The following CHD5 variants were observed in gnomAD, a reference collection of about 807,000 sequenced individuals.
The protein encoded by CHD5 is chromodomain helicase DNA binding protein 5, also known as ATP-dependent chromatin remodeler CHD5.
A neutral mutation model predicts 230.3 loss-of-function variants in CHD5; 69 were observed. The ratio of observed to expected loss-of-function variants is 0.30; its 90% CI spans 0.25 to 0.37. CHD5 has a LOEUF of 0.37. Among genes scored for constraint, CHD5 ranks in the 10% least tolerant of loss-of-function variants. CHD5 has a pLI of 1.00. For missense variants in CHD5, 1,827 were observed against 2,622.8 expected, an observed-to-expected ratio of 0.70 and a Z score of 6.63; for synonymous variants, 1,064 against 1,065.9, an observed-to-expected ratio of 1.00 and a Z score of 0.03.
At chr1:6,160,823 A>G (rs1167497671) in intron 2 of CHD5, among the ~76,000 whole-genome samples, 1 of 152,200 alleles carries the variant, frequency 6.6e-6, no homozygotes, top group Admixed American at 6.5e-5. Context: ...TATGGAGATA[A>G]GGGCGTTTAC....
chr1:6,125,057 G>C lies in CHD5; in HGVS notation c.4394+43C>G, dbSNP rs1014622389. 2 of 1,506,698 alleles carry C rather than the reference G, an allele frequency of 1.3e-6. No individual in the cohort carries two copies. Among genetic ancestry groups the C allele is most frequent in the Non-Finnish European group, 1.8e-6 (2 of 1,120,690 alleles). The allele number at this position is 1,506,698 out of a possible 1,614,324, so 93.3% of individuals were successfully genotyped here. ...CACCCGCAGGACCCTGCCCTACTCA[G>C]GGGCAGGTGGTCACACCCTGGGCCA... On this transcript the variant is annotated intron_variant, in intron 29 of 41. Transcript: ENST00000262450. This position sits in a 1 kb window ranked among gnomAD's most constrained non-coding sequence, Gnocchi z 6.7.
At chr1:6,115,703 G>A (rs1005176939) in intron 33 of CHD5, among the ~76,000 whole-genome samples, 2 of 152,170 alleles carry the variant, frequency 1.3e-5, no homozygotes, top group African/African-American at 4.8e-5. Flanking sequence ...GAGTGAGCAT[G>A]GATGTGGACT....
intron 3 of CHD5, among the ~76,000 whole-genome samples, chr1:6,157,709 C>T (rs1478315917): frequency 6.6e-6 from 1 of 152,236 alleles, no homozygotes; most frequent in Non-Finnish European, 1.5e-5. Context: ...CCCCCGTGGA[C>T]ACACATGGCC....
intron 5 of CHD5, among the ~76,000 whole-genome samples, chr1:6,153,704 T>C (rs951933884): frequency 6.6e-6 from 1 of 152,054 alleles, no homozygotes; most frequent in Non-Finnish European, 1.5e-5. Context: ...GGTGATGCAC[T>C]CCTGTAATCC....
chr1:6,148,707 G>A (rs1571160147), intron 9 of CHD5, 147 bp downstream of exon 9: 2 of 568,244 alleles, frequency 3.5e-6, no homozygotes, highest in Admixed American at 3.9e-5. Flanking sequence ...CGAGCAGCGC[G>A]GGCGAAGCTT....
At chr1:6,137,243 G>A (rs1666760671) in intron 15 of CHD5, among the ~76,000 whole-genome samples, 1 of 152,130 alleles carries the variant, frequency 6.6e-6, no homozygotes, top group South Asian at 2.1e-4. Flanking sequence ...GAGTAGCTGG[G>A]ACTACAGGCA....
intron 2 of CHD5, among the ~76,000 whole-genome samples, chr1:6,162,260 C>A (rs1166289639): frequency 6.6e-6 from 1 of 151,986 alleles, no homozygotes; most frequent in South Asian, 2.1e-4. Flanking sequence ...GTGGTACATG[C>A]CTGCAATCCC....
chr1:6,150,361 G>A (rs1243474343), intron 7 of CHD5, among the ~76,000 whole-genome samples: 1 of 144,762 alleles, frequency 6.9e-6, no homozygotes, highest in Non-Finnish European at 1.5e-5. Context: ...TGGATGGATG[G>A]ACAAAAGGAT....
intron 15 of CHD5, among the ~76,000 whole-genome samples, chr1:6,140,205 A>T (rs2100855333): frequency 6.6e-6 from 1 of 152,258 alleles, no homozygotes; most frequent in South Asian, 2.1e-4. Flanking sequence ...GATCGAGACC[A>T]TCCTGGCCAA....
At chr1:6,159,133 G>A (rs1247954959) in intron 3 of CHD5, among the ~76,000 whole-genome samples, 2 of 152,012 alleles carry the variant, frequency 1.3e-5, no homozygotes, top group Non-Finnish European at 2.9e-5. Flanking sequence ...TACTCGGGAG[G>A]CTGAGGCAGG....
chr1:6,105,238 C>T lies in CHD5; in HGVS notation c.*236G>A, dbSNP rs566625298. The stretch of plus-strand genomic sequence containing the variant: ...ACGTCCGGCGTGGTTGTGGGGGCAA[C>T]GCTGTGTGGAAGAACACTTGAATTA... On this transcript the variant is annotated 3_prime_UTR_variant, in exon 42 of 42. Transcript: ENST00000262450. The surrounding 1 kb of genome is among the most constrained non-coding windows in gnomAD (Gnocchi z 4.8). The T allele has an allele frequency of 4.7e-5, 17 of 361,346 alleles. No homozygotes were observed. The highest frequency in any genetic ancestry group is 8.0e-5 in the East Asian group (1 of 12,536). 22.4% of individuals were successfully genotyped at this position (361,346 alleles called of 1,614,324 possible). A position where few individuals can be genotyped will look rare whatever the true frequency, so the allele number is the denominator to read the frequency against.
In CHD5 at chr1:6,146,353, A is replaced by G; in HGVS notation, c.1661T>C (p.Phe554Ser). The change falls in exon 11 of 42, where the codon TTT becomes TCT. Residue 554 changes from phenylalanine to serine, a missense_variant. Phe to Ser is a radical substitution (Grantham distance 155). Coordinates refer to ENST00000262450, the MANE Select transcript of CHD5 (RefSeq NM_015557.3). The surrounding 1 kb of genome is among the most constrained non-coding windows in gnomAD (Gnocchi z 5.1). ...GTCTTCATCCCCAGAGCCGTAGTCA[A>G]AGGGGGGCGGCTCATCCATGTCGTT... ...RKNDMDEPPP[F>S]DYGSGDEDGK... is the part of the protein sequence containing the mutation. 6.2e-7 allele frequency: 1 copy of G among 1,614,106 alleles called. No homozygotes were observed. Among genetic ancestry groups the G allele is most frequent in the Non-Finnish European group, 8.5e-7 (1 of 1,180,006 alleles).
chr1:6,153,289 G>A (rs549498057), intron 5 of CHD5, among the ~76,000 whole-genome samples: 16 of 152,344 alleles, frequency 1.1e-4, no homozygotes, highest in African/African-American at 2.9e-4. Context: ...TCAGCAGCTG[G>A]AGCGCGAGAG....
intron 1 of CHD5, 132 bp from the exon 2 acceptor site, chr1:6,168,409 TC>T: frequency 1.9e-6 from 2 of 1,061,968 alleles, no homozygotes; most frequent in South Asian, 1.9e-5. Flanking sequence ...TGCCCTGCCC[TC>T]CCCAAACCCA....
In CHD5 at chr1:6,121,445, A is replaced by G. The variant is rs779848595; in HGVS notation, c.4779+49T>C. The G allele has an allele frequency of 1.3e-6, 2 of 1,556,296 alleles. No individual in the cohort carries two copies. Among genetic ancestry groups the G allele is most frequent in the Non-Finnish European group, 1.8e-6 (2 of 1,138,076 alleles). On this transcript the variant is annotated intron_variant, in intron 32 of 41. Transcript: ENST00000262450. The surrounding 1 kb of genome is among the most constrained non-coding windows in gnomAD (Gnocchi z 4.5). Reference sequence around the variant, plus strand: ...GGGCCTGAGAAGGTCCCCAGACCCAACCTCCACCCCACACACACCACAGGC... The same window carrying G: ...GGGCCTGAGAAGGTCCCCAGACCCAGCCTCCACCCCACACACACCACAGGC...
chr1:6,169,772 C>A (rs1040104136), intron 1 of CHD5, among the ~76,000 whole-genome samples: 1 of 152,150 alleles, frequency 6.6e-6, no homozygotes, highest in African/African-American at 2.4e-5. Context: ...TGCCAGCCTG[C>A]GGCCCCAGCG....
rs573565940 is a variant in CHD5, at chr1:6,141,304, TTAATAA to T, written c.2436+818_2436+823del. ...CGTCTCAAAAAAATAATAATAATAA[TTAATAA>T]TAATAATAATAATAATTAGTTGGGG... On this transcript the variant is annotated intron_variant, in intron 15 of 41. Transcript: ENST00000262450. 1.0e-3 allele frequency among the ~76,000 whole-genome samples: 138 copies of T among 135,450 alleles called. 1 individual carries two copies. Among genetic ancestry groups the T allele is most frequent in the African/African-American group, 3.7e-3 (132 of 36,004 alleles). 88.9% of individuals were successfully genotyped at this position (135,450 alleles called of 152,430 possible). A position where few individuals can be genotyped will look rare whatever the true frequency, so the allele number is the denominator to read the frequency against.
At chr1:6,116,182 T>C (rs771566748) in intron 33 of CHD5, among the ~76,000 whole-genome samples, 1 of 152,258 alleles carries the variant, frequency 6.6e-6, no homozygotes, top group Non-Finnish European at 1.5e-5. Flanking sequence ...TCAGCTGTTT[T>C]GGTTCATTGC....
chr1:6,146,538 C>T lies in CHD5; in HGVS notation c.1591-115G>A. On this transcript the variant is annotated intron_variant, in intron 10 of 41. Transcript: ENST00000262450. The surrounding 1 kb of genome is among the most constrained non-coding windows in gnomAD (Gnocchi z 5.1). ...TCCCAGGCAGGACAATCCTCCCGCT[C>T]AGCACCACCCCAACTCCCAACAGCA... 1 of 1,385,610 alleles carries T rather than the reference C, an allele frequency of 7.2e-7. No homozygotes were observed. The highest frequency in any genetic ancestry group is 1.2e-5 in the South Asian group (1 of 83,334). 85.8% of individuals were successfully genotyped at this position (1,385,610 alleles called of 1,614,324 possible). A position where few individuals can be genotyped will look rare whatever the true frequency, so the allele number is the denominator to read the frequency against.
Sources: allele counts gnomAD v4.1 joint callset (sites outside exome capture counted in the v4.1 genomes callset), GRCh38; gene constraint gnomAD v4.1.1; non-coding constraint Gnocchi (gnomAD v3.1); transcripts MANE v1.5; gene names NCBI Gene and HGNC (gene_info 2026-07-23, HGNC 2026-07-21).